Variants in RPS6KC1 observed in about 807,000 individuals in gnomAD.
RPS6KC1 encodes inactive ribosomal protein S6 kinase delta-1.
A neutral mutation model predicts 103.8 loss-of-function variants in RPS6KC1; 54 were observed. The ratio of observed to expected loss-of-function variants is 0.52; its 90% CI spans 0.42 to 0.65. The LOEUF is 0.65. Ranked by LOEUF, RPS6KC1 falls within the 30% of genes least tolerant of loss-of-function variation. RPS6KC1 has a pLI of 0.00. For synonymous variants in RPS6KC1, 439 were observed against 438.7 expected (o/e 1.00, Z -0.01); for missense variants, 1,151 against 1,253.8 (o/e 0.92, Z 1.24).
the RPS6KC1 span, among the ~76,000 whole-genome samples, chr1:213,464,468 T>G: frequency 6.6e-6 from 1 of 152,180 alleles, no homozygotes; most frequent in African/African-American, 2.4e-5. Context: ...TACTTATAAC[T>G]TTCATCCTTT....
the RPS6KC1 span, among the ~76,000 whole-genome samples, chr1:213,685,181 A>T: frequency 2.6e-5 from 4 of 152,208 alleles, no homozygotes; most frequent in African/African-American, 9.7e-5. Context: ...GAGGACAAGA[A>T]CTGCGCTAAT....
At chr1:213,711,495 C>T in the RPS6KC1 span, among the ~76,000 whole-genome samples, 1 of 152,184 alleles carries the variant, frequency 6.6e-6, no homozygotes, top group Admixed American at 6.5e-5. Context: ...TACTCACCTC[C>T]TGAAGGCTAC....
chr1:213,448,225 CAAAAAAAAAA>C, the RPS6KC1 span, among the ~76,000 whole-genome samples: 2 of 75,822 alleles, frequency 2.6e-5, no homozygotes, highest in African/African-American at 5.7e-5. Context: ...GTGAGACTGT[CAAAAAAAAAA>C]AAAAAAAAAA....
At chr1:213,501,895 A>T in the RPS6KC1 span, among the ~76,000 whole-genome samples, 1 of 152,242 alleles carries the variant, frequency 6.6e-6, no homozygotes, top group Non-Finnish European at 1.5e-5. Flanking sequence ...AGCAACATGC[A>T]ATCTGCAAGT....
At chr1:213,138,659 C>T (rs1481903700) in intron 6 of RPS6KC1, among the ~76,000 whole-genome samples, 2 of 152,126 alleles carry the variant, frequency 1.3e-5, no homozygotes, top group Non-Finnish European at 2.9e-5. Flanking sequence ...CCTTCAGTTC[C>T]ATCTTTTGTT....
At chr1:213,167,734 A>G (rs1213945054) in intron 6 of RPS6KC1, 124 bp from the exon 7 acceptor site, 2 of 505,228 alleles carry the variant, frequency 4.0e-6, no homozygotes, top group Non-Finnish European at 6.9e-6. Context: ...GTCTTTTCCA[A>G]TTTTGAATAT....
At position 213,117,330 on chromosome 1, in the gene RPS6KC1, A is replaced by C; in HGVS notation, c.392A>C (p.Asn131Thr). ...LEDFFKGGIINDSSELIGPAE... is the reference protein window; with the variant it reads ...LEDFFKGGIITDSSELIGPAE... ...TTATCTCTTTAGGGTGGAATAATTA[A>C]TGATAGTTCTGAATTAATTGGTCCT... Residue 131 changes from asparagine (N) to threonine (T), a missense_variant, in exon 5 of 15, where the codon AAT (asparagine) becomes ACT (threonine). Asn to Thr is a moderately conservative substitution (Grantham distance 65). This residue lies in a region of RPS6KC1 where 959 missense variants were observed against 1,006.3 expected (regional missense o/e 0.95). Coordinates refer to ENST00000366960, the MANE Select transcript of RPS6KC1 (RefSeq NM_012424.6). The C allele has an allele frequency of 6.2e-7, 1 of 1,601,620 alleles. No homozygotes were observed. The highest frequency in any genetic ancestry group is 8.6e-7 in the Non-Finnish European group (1 of 1,169,520).
chr1:213,608,716 T>C, the RPS6KC1 span, among the ~76,000 whole-genome samples: 2 of 152,238 alleles, frequency 1.3e-5, no homozygotes, highest in Admixed American at 1.3e-4. Context: ...TTTTCCATCT[T>C]TTTAATATGT....
chr1:213,267,021 T>G (rs906635216), intron 14 of RPS6KC1, among the ~76,000 whole-genome samples: 9 of 151,722 alleles, frequency 5.9e-5, no homozygotes, highest in Admixed American at 4.6e-4. Flanking sequence ...TCCTGCTTGG[T>G]CAGGTGCAAA....
the RPS6KC1 span, among the ~76,000 whole-genome samples, chr1:213,334,434 A>G: frequency 2.6e-5 from 4 of 151,818 alleles, no homozygotes; most frequent in African/African-American, 9.6e-5. Context: ...TGTGGACCAT[A>G]CAGATATATC....
chr1:213,596,562 C>T, the RPS6KC1 span, among the ~76,000 whole-genome samples: 4 of 152,306 alleles, frequency 2.6e-5, no homozygotes, highest in Non-Finnish European at 4.4e-5. Context: ...AGGAAGGGCC[C>T]CCTTGGGTGA....
the RPS6KC1 span, among the ~76,000 whole-genome samples, chr1:213,854,471 G>C: frequency 6.6e-6 from 1 of 152,026 alleles, no homozygotes; most frequent in African/African-American, 2.4e-5. Flanking sequence ...CAGTACCAAA[G>C]TACTGTACTC....
At chr1:213,081,057 A>T (rs973015107) in intron 3 of RPS6KC1, among the ~76,000 whole-genome samples, 1 of 152,174 alleles carries the variant, frequency 6.6e-6, no homozygotes, top group Admixed American at 6.5e-5. Flanking sequence ...AGTTTGCTAA[A>T]TATTTGGACC....
the RPS6KC1 span, among the ~76,000 whole-genome samples, chr1:213,577,261 T>G: frequency 6.6e-6 from 1 of 152,222 alleles, no homozygotes; most frequent in Non-Finnish European, 1.5e-5. Context: ...AAATGTGCCT[T>G]TGCTTCTCCT....
chr1:213,423,806 C>T, the RPS6KC1 span, among the ~76,000 whole-genome samples: 10 of 144,464 alleles, frequency 6.9e-5, no homozygotes, highest in East Asian at 2.0e-4. Context: ...GGGGAGGCGG[C>T]GGGAGGAGGG....
the RPS6KC1 span, among the ~76,000 whole-genome samples, chr1:213,343,407 A>G: frequency 0.017 from 356 of 21,474 alleles, 28 homozygotes; most frequent in African/African-American, 0.034. Context: ...ATATATATAT[A>G]TATATATATA....
rs539975610 is a variant in RPS6KC1 at position 213,111,181 on chromosome 1, G to A, written c.379-6136G>A. On this transcript the variant is annotated intron_variant, in intron 4 of 14. Transcript: ENST00000366960. ...TTTATGCTTTTAGTCAATTTCCAGA[G>A]CCCTCAATGGTGGTTTTGACAGATT... Among the ~76,000 whole-genome samples the A allele has an allele frequency of 2.0e-5, 3 of 152,122 alleles. No individual in the cohort carries two copies. In the East Asian group the frequency reaches 5.8e-4, roughly 29 times the overall value.
chr1:213,223,857 G>T (rs1207142393), intron 8 of RPS6KC1, among the ~76,000 whole-genome samples: 2 of 152,170 alleles, frequency 1.3e-5, no homozygotes, highest in Admixed American at 1.3e-4. Context: ...TAATTGTTCT[G>T]GAGTCCCATG....
the RPS6KC1 span, among the ~76,000 whole-genome samples, chr1:213,532,424 C>T: frequency 6.6e-6 from 1 of 152,176 alleles, no homozygotes; most frequent in African/African-American, 2.4e-5. Context: ...TCACTTGGAA[C>T]CCATCAGAAT....
Sources: gnomAD v4.1 joint callset for allele counts (sites outside exome capture counted in the v4.1 genomes callset) on GRCh38, gnomAD v4.1.1 for gene constraint, gnomAD v4.1.1 regional missense constraint, MANE v1.5 for transcripts, NCBI Gene and HGNC (gene_info 2026-07-23, HGNC 2026-07-21) for gene names.